Variants in KLK9 observed in about 807,000 individuals in gnomAD.
KLK9 encodes the protein kallikrein-9.
Under a neutral mutation model 23.3 loss-of-function variants are expected in KLK9, and 26 were observed. The ratio of observed to expected loss-of-function variants is 1.12; its 90% CI spans 0.82 to 1.55. The LOEUF (loss-of-function observed/expected upper bound fraction) is 1.55, where lower values mean the gene tolerates loss of function less well. KLK9 is among the 40% of genes most tolerant of loss of function. The pLI is 0.00. For synonymous variants in KLK9, 122 were observed against 128.5 expected, an observed-to-expected ratio of 0.95 and a Z score of 0.34; for missense variants, 346 against 333.7, an observed-to-expected ratio of 1.04 and a Z score of -0.29.
chr19:51,006,431 C>T lies in KLK9; in HGVS notation c.466+27G>A, dbSNP rs753967677. The T allele has an allele frequency of 3.8e-6, 6 of 1,568,902 alleles. No individual in the cohort carries two copies. The highest frequency in any genetic ancestry group is 4.3e-6 in the Non-Finnish European group (5 of 1,154,984). On this transcript the variant is annotated intron_variant, in intron 3 of 4. Transcript: ENST00000594211. This position sits in a 1 kb window ranked among gnomAD's most constrained non-coding sequence, Gnocchi z 4.1. The stretch of plus-strand genomic sequence containing the variant: ...GACAGAGGGGTGAGGGAGCAAGTTT[C>T]AGAGAGAGTTCTGGGCCAGGTCATA...
chr19:51,003,107 G>A lies in KLK9; in HGVS notation c.*4C>T. On this transcript the variant is annotated 3_prime_UTR_variant, in exon 5 of 5. Coordinates refer to ENST00000594211, the MANE Select transcript of KLK9 (RefSeq NM_012315.2). Reference sequence around the variant, plus strand: ...CTTCCAAGGTGCCCCCGTGGCGCGCGGGCTCAGTTCTCCATGATTTCTTGG... The same window carrying A: ...CTTCCAAGGTGCCCCCGTGGCGCGCAGGCTCAGTTCTCCATGATTTCTTGG... 1 of 1,604,048 alleles carries A rather than the reference G, an allele frequency of 6.2e-7. No individual in the cohort carries two copies. The highest frequency in any genetic ancestry group is 1.1e-5 in the South Asian group (1 of 90,218).
In KLK9 at chr19:51,003,209, A is replaced by G. The variant is rs776894732; in HGVS notation, c.655T>C (p.Ser219Pro). ...VCNGTLAGVV[S>P]GGAEPCSRPR... The stretch of plus-strand genomic sequence containing the variant: ...CTGGAGCAGGGCTCAGCACCCCCAG[A>G]CACCACGCCTGCCAAGGTTCCATTG... Residue 219 changes from serine (S) to proline (P), a missense_variant, in exon 5 of 5, where the codon TCT (serine) becomes CCT (proline). Transcript: ENST00000594211. 16 of 1,612,848 alleles carry G rather than the reference A, an allele frequency of 9.9e-6. No homozygotes were observed. The highest frequency in any genetic ancestry group is 1.3e-5 in the Non-Finnish European group (15 of 1,179,648).
rs1378946351 is a variant in KLK9, at chr19:51,006,703, C to T, written c.221G>A (p.Gly74Glu). Residue 74 changes from glycine (G) to glutamate (E), a missense_variant, in exon 3 of 5, where the codon GGA (glycine) becomes GAA (glutamate). By Grantham distance (98) the Gly-to-Glu change is moderately conservative (BLOSUM62 -2). Coordinates refer to ENST00000594211, the MANE Select transcript of KLK9 (RefSeq NM_012315.2). The surrounding 1 kb of genome is among the most constrained non-coding windows in gnomAD (Gnocchi z 4.1). ...CTCCCATTTCCAGAGGTGGTGCTCT[C>T]CAAGGCGGACCCACAGATACCTGCT... ...CRKPYLWVRL[G>E]EHHLWKWEGP... The T allele has an allele frequency of 2.5e-6, 4 of 1,593,082 alleles. No homozygotes were observed. Among genetic ancestry groups the T allele is most frequent in the Non-Finnish European group, 3.4e-6 (4 of 1,168,074 alleles).
At chr19:51,003,648 C>T in intron 4 of KLK9, 56 bp downstream of exon 4, 1 of 1,535,756 alleles carries the variant, frequency 6.5e-7, no homozygotes, top group South Asian at 1.2e-5. Context: ...CTCTGCTCCC[C>T]TAAATCCTAG....
At chr19:51,007,317 G>C (rs1041384199) in intron 2 of KLK9, among the ~76,000 whole-genome samples, 1 of 151,812 alleles carries the variant, frequency 6.6e-6, no homozygotes, top group Non-Finnish European at 1.5e-5. Context: ...CAGTCTCAGC[G>C]CACTTGTTTC....
chr19:51,004,338 C>CAAAAAAAAAAAAA (rs71333922), intron 3 of KLK9, among the ~76,000 whole-genome samples: 8 of 32,562 alleles, frequency 2.5e-4, no homozygotes, highest in Admixed American at 9.4e-4. Context: ...GACTCCGTCT[C>CAAAAAAAAAAAAA]AAAAAAAAAA....
Position 51,006,848 on chromosome 19 carries a change from C to G in KLK9, c.201-125G>C, listed in dbSNP as rs1227984515. 4.8e-6 allele frequency: 5 copies of G among 1,048,842 alleles called. No individual in the cohort carries two copies. The highest frequency in any genetic ancestry group is 6.7e-6 in the Non-Finnish European group (5 of 743,514). 65.0% of individuals were successfully genotyped at this position (1,048,842 alleles called of 1,614,324 possible). On this transcript the variant is annotated intron_variant, in intron 2 of 4. Coordinates refer to ENST00000594211, the MANE Select transcript of KLK9 (RefSeq NM_012315.2). This position sits in a 1 kb window ranked among gnomAD's most constrained non-coding sequence, Gnocchi z 4.1. ...GCAAGCCACACACCCTCTCTGCACC[C>G]TCATCATCTATGTCTGGCCCAGGGT... is the stretch of plus-strand genomic sequence containing the variant.
chr19:51,005,933 G>GATA (rs144461714), intron 3 of KLK9, among the ~76,000 whole-genome samples: 3,829 of 149,034 alleles, frequency 0.026, 142 homozygotes, highest in African/African-American at 0.085. Flanking sequence ...CAAAAAAAAA[G>GATA]ATAATAATAA....
intron 3 of KLK9, among the ~76,000 whole-genome samples, 198 bp from the exon 4 acceptor site, chr19:51,004,038 G>A (rs2091246051): frequency 6.6e-6 from 1 of 152,022 alleles, no homozygotes; most frequent in South Asian, 2.1e-4. Flanking sequence ...GGAGGAAGAG[G>A]GCCAAGTAGA....
In KLK9 at chr19:51,006,426, A is replaced by C; in HGVS notation, c.466+32T>G. 6.4e-7 allele frequency: 1 copy of C among 1,558,462 alleles called. No individual in the cohort carries two copies. The highest frequency in any genetic ancestry group is 8.7e-7 in the Non-Finnish European group (1 of 1,149,112). On this transcript the variant is annotated intron_variant, in intron 3 of 4. Coordinates refer to ENST00000594211, the MANE Select transcript of KLK9 (RefSeq NM_012315.2). This position sits in a 1 kb window ranked among gnomAD's most constrained non-coding sequence, Gnocchi z 4.1. ...GCAGAGACAGAGGGGTGAGGGAGCA[A>C]GTTTCAGAGAGAGTTCTGGGCCAGG...
Position 51,009,141 on chromosome 19 carries a change from A to G in KLK9, c.200+42T>C. On this transcript the variant is annotated intron_variant, in intron 2 of 4. Coordinates refer to ENST00000594211, the MANE Select transcript of KLK9 (RefSeq NM_012315.2). This position sits in a 1 kb window ranked among gnomAD's most constrained non-coding sequence, Gnocchi z 4.8. Reference sequence around the variant, plus strand: ...CACCCCTCACCCTCTCCTGACCCCCAGCCTCTGTCCCTCCCCAGCATGGCC... The same window carrying G: ...CACCCCTCACCCTCTCCTGACCCCCGGCCTCTGTCCCTCCCCAGCATGGCC... The G allele has an allele frequency of 6.3e-7, 1 of 1,581,912 alleles. No individual in the cohort carries two copies. The highest frequency in any genetic ancestry group is 8.6e-7 in the Non-Finnish European group (1 of 1,168,126).
chr19:51,008,065 T>G (rs1399214084), intron 2 of KLK9, among the ~76,000 whole-genome samples: 1 of 151,236 alleles, frequency 6.6e-6, no homozygotes, highest in East Asian at 1.9e-4. Flanking sequence ...GCGCGGTGGC[T>G]CACGCCTGTA....
chr19:51,002,673 G>T lies in KLK9; in HGVS notation c.*438C>A, dbSNP rs576317727. On this transcript the variant is annotated 3_prime_UTR_variant, in exon 5 of 5. Transcript: ENST00000594211. ...GAGCTCTACACCGCCCGAGCTCCAC[G>T]TGGGCGGAGCTACTGCGCCCCTGAC... 1.3e-5 allele frequency: 2 copies of T among 158,858 alleles called. No individual in the cohort carries two copies. The highest frequency in any genetic ancestry group is 1.9e-4 in the East Asian group (1 of 5,404). 9.8% of individuals were successfully genotyped at this position (158,858 alleles called of 1,614,324 possible).
At chr19:51,008,648 G>C (rs902737575) in intron 2 of KLK9, among the ~76,000 whole-genome samples, 1 of 152,146 alleles carries the variant, frequency 6.6e-6, no homozygotes, top group Non-Finnish European at 1.5e-5. Flanking sequence ...CAAAGGCTTA[G>C]TACCAAAACA....
chr19:51,007,675 G>C (rs974193032), intron 2 of KLK9, among the ~76,000 whole-genome samples: 2 of 151,872 alleles, frequency 1.3e-5, no homozygotes, highest in Non-Finnish European at 2.9e-5. Context: ...CCATCATGGA[G>C]CAATGCATGA....
In KLK9 at chr19:51,002,994, T is replaced by C; in HGVS notation, c.*117A>G. 1 of 1,256,216 alleles carries C rather than the reference T, an allele frequency of 8.0e-7. No individual in the cohort carries two copies. The highest frequency in any genetic ancestry group is 1.1e-6 in the Non-Finnish European group (1 of 922,660). The allele number at this position is 1,256,216 out of a possible 1,614,324, so 77.8% of individuals were successfully genotyped here. On this transcript the variant is annotated 3_prime_UTR_variant, in exon 5 of 5. Coordinates refer to ENST00000594211, the MANE Select transcript of KLK9 (RefSeq NM_012315.2). ...CGGAGTCTTAGTGTCCAGAGGGGAGTCAGGGCAGCTGGAGGTCCAGGGCGG... is the reference window on the plus strand; with the variant it reads ...CGGAGTCTTAGTGTCCAGAGGGGAGCCAGGGCAGCTGGAGGTCCAGGGCGG...
At chr19:51,008,868 C>G (rs547700116) in intron 2 of KLK9, among the ~76,000 whole-genome samples, 1 of 152,084 alleles carries the variant, frequency 6.6e-6, no homozygotes, top group Non-Finnish European at 1.5e-5. Context: ...TAATAGTCTG[C>G]GAATCTATGA....
At chr19:51,003,380 T>C in intron 4 of KLK9, 120 bp from the exon 5 acceptor site, 11 of 1,098,934 alleles carry the variant, frequency 1.0e-5, no homozygotes, top group Non-Finnish European at 1.4e-5. Flanking sequence ...CCGAGAGTCC[T>C]CCATCTCCAG....
chr19:51,005,491 T>C (rs924407909), intron 3 of KLK9, among the ~76,000 whole-genome samples: 2 of 152,180 alleles, frequency 1.3e-5, no homozygotes, highest in Non-Finnish European at 1.5e-5. Context: ...GAATCAGTGC[T>C]TTATTCATGG....
Sources: allele counts gnomAD v4.1 joint callset (sites outside exome capture counted in the v4.1 genomes callset), GRCh38; gene constraint gnomAD v4.1.1; non-coding constraint Gnocchi (gnomAD v3.1); transcripts MANE v1.5; gene names NCBI Gene and HGNC (gene_info 2026-07-23, HGNC 2026-07-21).